The following ZDHHC15 variants were observed in gnomAD, a reference collection of about 807,000 sequenced individuals.
ZDHHC15 encodes the protein zDHHC palmitoyltransferase 15.
In ZDHHC15, 19 loss-of-function variants were observed where a neutral mutation model predicts 31.7. That is an observed-to-expected ratio of 0.60 (90% CI 0.42 to 0.88). ZDHHC15 has a LOEUF of 0.88. Among genes scored for constraint, ZDHHC15 ranks in the 40% least tolerant of loss-of-function variants. The probability of loss-of-function intolerance (pLI) is 0.00; values close to 1 mark genes in which losing one functional copy is unlikely to be tolerated. For missense variants in ZDHHC15, 209 were observed against 251.2 expected, an observed-to-expected ratio of 0.83 and a Z score of 1.14; for synonymous variants, 103 against 90.0, an observed-to-expected ratio of 1.14 and a Z score of -0.82.
At chrX:75,518,806 TACACACACACACAC>T (rs57864438) in intron 1 of ZDHHC15, among the ~76,000 whole-genome samples, 4 of 22,898 alleles carry the variant, frequency 1.7e-4, no homozygotes, top group South Asian at 4.3e-3. Flanking sequence ...TATATATATA[TACACACACACACAC>T]ACACACACAC....
chrX:75,416,952 G>A (rs1361534659), intron 10 of ZDHHC15, 135 bp downstream of exon 10: 1 of 436,907 alleles, frequency 2.3e-6, no homozygotes, highest in African/African-American at 2.5e-5. Context: ...AAACAAATAT[G>A]GCCATACTTG....
intron 2 of ZDHHC15, among the ~76,000 whole-genome samples, chrX:75,481,765 C>G (rs2084692380): frequency 9.0e-6 from 1 of 111,435 alleles, no homozygotes; most frequent in African/African-American, 3.3e-5. Context: ...TTTCTTCAGT[C>G]CCAGTCCAGA....
At chrX:75,373,651 CAT>C (rs1315130535) in intron 11 of ZDHHC15, among the ~76,000 whole-genome samples, 4 of 110,858 alleles carry the variant, frequency 3.6e-5, no homozygotes, top group Admixed American at 9.7e-5. Flanking sequence ...AATTGGATAA[CAT>C]ATCTTATTAA....
intron 3 of ZDHHC15, among the ~76,000 whole-genome samples, chrX:75,476,898 C>A (rs375136477): frequency 9.1e-6 from 1 of 110,308 alleles, no homozygotes. Flanking sequence ...CTGTTCTAAT[C>A]TTTATTATTT....
intron 3 of ZDHHC15, among the ~76,000 whole-genome samples, chrX:75,473,438 T>C (rs1014439982): frequency 1.8e-5 from 2 of 111,099 alleles, no homozygotes; most frequent in Non-Finnish European, 3.8e-5. Context: ...CACAACATTA[T>C]GTTCTGCTTG....
intron 2 of ZDHHC15, among the ~76,000 whole-genome samples, chrX:75,489,739 G>C (rs989208852): frequency 1.4e-4 from 16 of 112,517 alleles, no homozygotes; most frequent in Admixed American, 1.4e-3. Flanking sequence ...AAGCTGAACG[G>C]AGAATGACTT....
intron 2 of ZDHHC15, among the ~76,000 whole-genome samples, chrX:75,493,414 C>A (rs888297765): frequency 3.6e-5 from 4 of 111,858 alleles, no homozygotes; most frequent in African/African-American, 9.7e-5. Flanking sequence ...AAGGGGAAAT[C>A]CTCCCTAATT....
chrX:75,471,231 T>C (rs1303552917), intron 3 of ZDHHC15, among the ~76,000 whole-genome samples: 1 of 112,434 alleles, frequency 8.9e-6, no homozygotes, highest in East Asian at 2.8e-4. Flanking sequence ...GCCAGTAATA[T>C]ACCTTTATTG....
In ZDHHC15 at chrX:75,372,006, G is replaced by A. The variant is rs1440992769; in HGVS notation, c.*972C>T. 2.7e-5 allele frequency: 3 copies of A among 111,851 alleles called. No individual in the cohort carries two copies. The highest frequency in any genetic ancestry group is 9.5e-5 in the Admixed American group (1 of 10,497). The allele number at this position is 111,851 out of a possible 1,213,427, so 9.2% of individuals were successfully genotyped here. A position where few individuals can be genotyped will look rare whatever the true frequency, so the allele number is the denominator to read the frequency against. On this transcript the variant is annotated 3_prime_UTR_variant, in exon 12 of 12. Transcript: ENST00000373367. The stretch of plus-strand genomic sequence containing the variant: ...TAATCCTCAGGCTAATGTCAGCTGT[G>A]AAACTTTACCCTTATGAAAGGCAGT...
At chrX:75,484,820 G>T (rs1003052427) in intron 2 of ZDHHC15, among the ~76,000 whole-genome samples, 4 of 111,932 alleles carry the variant, frequency 3.6e-5, no homozygotes, top group Non-Finnish European at 7.5e-5. Context: ...CAAACCAAAT[G>T]TTCCTAAACT....
At chrX:75,464,066 G>A (rs1338798988) in intron 3 of ZDHHC15, among the ~76,000 whole-genome samples, 4 of 111,860 alleles carry the variant, frequency 3.6e-5, no homozygotes, top group Admixed American at 9.5e-5. Context: ...CTGGATTAAG[G>A]AAATGTGGCA....
intron 2 of ZDHHC15, among the ~76,000 whole-genome samples, chrX:75,494,095 C>A (rs1181718712): frequency 9.0e-6 from 1 of 111,608 alleles, no homozygotes; most frequent in Admixed American, 9.6e-5. Flanking sequence ...TCTCAGGATA[C>A]AAAATCAATG....
At chrX:75,413,161 G>T (rs1471001572) in intron 10 of ZDHHC15, among the ~76,000 whole-genome samples, 1 of 112,008 alleles carries the variant, frequency 8.9e-6, no homozygotes, top group East Asian at 2.8e-4. Context: ...ATATCATGTT[G>T]TACATCTTAA....
At chrX:75,454,891 T>C (rs1178226492) in intron 3 of ZDHHC15, among the ~76,000 whole-genome samples, 1 of 111,813 alleles carries the variant, frequency 8.9e-6, no homozygotes, top group Non-Finnish European at 1.9e-5. Context: ...TGGAAGAACA[T>C]TCCATGCTCA....
At chrX:75,382,771 A>T (rs1191467679) in intron 10 of ZDHHC15, among the ~76,000 whole-genome samples, 2 of 112,315 alleles carry the variant, frequency 1.8e-5, no homozygotes, top group Non-Finnish European at 3.8e-5. Flanking sequence ...GCTTGGAGCC[A>T]TTTGGTGAAA....
At chrX:75,454,570 T>C (rs999154744) in intron 3 of ZDHHC15, among the ~76,000 whole-genome samples, 1 of 111,432 alleles carries the variant, frequency 9.0e-6, no homozygotes, top group Non-Finnish European at 1.9e-5. Context: ...AGCATTCCTA[T>C]TTCTCCACAT....
At chrX:75,484,697 C>A (rs918497310) in intron 2 of ZDHHC15, among the ~76,000 whole-genome samples, 1 of 111,810 alleles carries the variant, frequency 8.9e-6, no homozygotes, top group Non-Finnish European at 1.9e-5. Flanking sequence ...CCATATGACC[C>A]AAGAATCCCA....
intron 7 of ZDHHC15, 71 bp downstream of exon 7, chrX:75,429,007 G>A (rs775365919): frequency 8.6e-7 from 1 of 1,156,342 alleles, no homozygotes; most frequent in African/African-American, 1.8e-5. Context: ...AAGATAGAGG[G>A]TGAACAATGT....
chrX:75,409,785 ACCC>A (rs1412420437), intron 10 of ZDHHC15, among the ~76,000 whole-genome samples: 1 of 80,180 alleles, frequency 1.2e-5, no homozygotes, highest in African/African-American at 4.9e-5. Context: ...ACAGAATGAG[ACCC>A]CATCTCTAAA....
Sources: allele counts gnomAD v4.1 joint callset (sites outside exome capture counted in the v4.1 genomes callset), GRCh38; gene constraint gnomAD v4.1.1; transcripts MANE v1.5; gene names NCBI Gene and HGNC (gene_info 2026-07-23, HGNC 2026-07-21).